Variants in RNF125 observed in about 807,000 individuals in gnomAD.
The protein encoded by RNF125 is E3 ubiquitin-protein ligase RNF125.
In RNF125, 21 loss-of-function variants were observed where a neutral mutation model predicts 26.0. The ratio of observed to expected loss-of-function variants is 0.81; its 90% CI spans 0.57 to 1.16. RNF125 has a LOEUF of 1.16. Ranked by LOEUF, RNF125 falls within the 50% of genes most tolerant of loss-of-function variation. The pLI is 0.00. For synonymous variants in RNF125, 95 were observed against 109.2 expected (o/e 0.87, Z 0.81); for missense variants, 270 against 299.4 (o/e 0.90, Z 0.72).
At chr18:32,053,814 G>A (rs921326412) in intron 4 of RNF125, among the ~76,000 whole-genome samples, 2 of 151,866 alleles carry the variant, frequency 1.3e-5, no homozygotes, top group African/African-American at 4.8e-5. Flanking sequence ...TGTTGGTTAT[G>A]ATCTGTCAGT....
rs764499312 is a variant in RNF125 at position 32,045,740 on chromosome 18, T to C, written c.504+8T>C. The stretch of plus-strand genomic sequence containing the variant: ...TCGGAACGGAGGCCTGTGGTAAGGA[T>C]TTTTGTTACATGTATTACAGCAATG... On this transcript the variant is annotated splice_region_variant and intron_variant, in intron 4 of 5. Transcript: ENST00000217740. 6.3e-7 allele frequency: 1 copy of C among 1,589,214 alleles called. No individual in the cohort carries two copies. Among genetic ancestry groups the C allele is most frequent in the Non-Finnish European group, 8.6e-7 (1 of 1,159,522 alleles).
chr18:32,065,599 T>A (rs1352780903), intron 4 of RNF125, among the ~76,000 whole-genome samples: 1 of 152,116 alleles, frequency 6.6e-6, no homozygotes, highest in Non-Finnish European at 1.5e-5. Context: ...AGTGGTGTGA[T>A]CTTGGCTCAC....
Position 32,025,536 on chromosome 18 carries a change from G to C in RNF125, c.164+6509G>C, listed in dbSNP as rs148871707. ...GAAAATTAGCCAGGGGTGGTGGCAG[G>C]CACCTGTAATTCCAGCAACTCAGGA... On this transcript the variant is annotated intron_variant, in intron 1 of 5. Coordinates refer to ENST00000217740, the MANE Select transcript of RNF125 (RefSeq NM_017831.4). Among the ~76,000 whole-genome samples the C allele has an allele frequency of 8.3e-3, 1,258 of 151,972 alleles. 23 individuals are homozygous for C. Among genetic ancestry groups the C allele is most frequent in the African/African-American group, 0.029 (1,183 of 41,442 alleles).
the RNF125 span, among the ~76,000 whole-genome samples, chr18:32,078,364 TAA>T: frequency 6.6e-6 from 1 of 152,172 alleles, no homozygotes; most frequent in African/African-American, 2.4e-5. Flanking sequence ...TGGGACGTAA[TAA>T]AGTCTAATAA....
chr18:32,050,865 C>CTTTTT lies in RNF125; in HGVS notation c.504+5163_504+5167dup, dbSNP rs531751585. On this transcript the variant is annotated intron_variant, in intron 4 of 5. Transcript: ENST00000217740. ...CCAGCTAGTCTCTCGGTCTAGAGTG[C>CTTTTT]TTTTTTTTTTTTTTTTTTTTTTTTT... Among the ~76,000 whole-genome samples the CTTTTT allele has an allele frequency of 3.1e-3, 143 of 46,346 alleles. 26 individuals are homozygous for CTTTTT. Among genetic ancestry groups the CTTTTT allele is most frequent in the Non-Finnish European group, 4.2e-3 (108 of 25,618 alleles). The allele number at this position is 46,346 out of a possible 152,430, so 30.4% of individuals were successfully genotyped here.
chr18:32,053,409 C>T (rs2144497353), intron 4 of RNF125, among the ~76,000 whole-genome samples: 1 of 150,366 alleles, frequency 6.7e-6, no homozygotes, highest in South Asian at 2.1e-4. Flanking sequence ...ACAGTGAGGA[C>T]TGTCAGACCT....
the RNF125 span, among the ~76,000 whole-genome samples, chr18:32,088,751 C>T: frequency 2.6e-5 from 4 of 152,248 alleles, no homozygotes; most frequent in South Asian, 2.1e-4. Context: ...CTGCCTGCCT[C>T]GGCCTCCCAG....
At chr18:32,065,797 C>A in intron 4 of RNF125, 105 bp from the exon 5 acceptor site, 1 of 753,244 alleles carries the variant, frequency 1.3e-6, no homozygotes, top group Non-Finnish European at 2.3e-6. Flanking sequence ...TCCCAAAGTA[C>A]TGGGATTACA....
chr18:32,083,925 A>T, the RNF125 span, among the ~76,000 whole-genome samples: 10 of 152,138 alleles, frequency 6.6e-5, no homozygotes. Context: ...TGTGGAGTAA[A>T]GGAAAAACAA....
Position 32,065,904 on chromosome 18 carries a change from C to T in RNF125, c.507C>T (p.Phe169=). The T allele has an allele frequency of 6.2e-7, 1 of 1,604,960 alleles. No individual in the cohort carries two copies. Among genetic ancestry groups the T allele is most frequent in the Non-Finnish European group, 8.5e-7 (1 of 1,171,892 alleles). The stretch of plus-strand genomic sequence containing the variant: ...CCCCTGGTCTTGTTTGTTTCCAGTT[C>T]TGTCCACTTTGCCGTTTAATACCCG... ...THHRSERRPV[F]CPLCRLIPDE... is the part of the protein sequence containing the mutation. Residue 169 remains phenylalanine, a splice_region_variant and synonymous_variant, in exon 5 of 6, where the codon TTC becomes TTT. Coordinates refer to ENST00000217740, the MANE Select transcript of RNF125 (RefSeq NM_017831.4).
At chr18:32,084,637 A>G in the RNF125 span, among the ~76,000 whole-genome samples, 1 of 152,324 alleles carries the variant, frequency 6.6e-6, no homozygotes, top group East Asian at 1.9e-4. Context: ...AAGGGATTTG[A>G]TAGAGACTGA....
the RNF125 span, among the ~76,000 whole-genome samples, chr18:32,079,075 G>T: frequency 1.3e-5 from 2 of 152,102 alleles, no homozygotes; most frequent in Admixed American, 1.3e-4. Flanking sequence ...CAAAGGTTGG[G>T]ATTTATCTTT....
At chr18:32,050,819 T>G (rs1196855362) in intron 4 of RNF125, among the ~76,000 whole-genome samples, 2 of 148,422 alleles carry the variant, frequency 1.3e-5, no homozygotes, top group Admixed American at 1.4e-4. Context: ...AGGGAAGATG[T>G]TTTAGCAAGA....
chr18:32,029,411 C>T (rs968358929), intron 1 of RNF125, among the ~76,000 whole-genome samples: 2 of 150,480 alleles, frequency 1.3e-5, no homozygotes, highest in African/African-American at 4.9e-5. Context: ...ACTGCTTGAA[C>T]CCCAGAGTTT....
Position 32,065,543 on chromosome 18 carries a change from G to GT in RNF125, c.505-352dup, listed in dbSNP as rs565174665. Among the ~76,000 whole-genome samples the GT allele has an allele frequency of 3.1e-4, 47 of 151,920 alleles. No homozygotes were observed. In the South Asian group the frequency reaches 8.3e-3, roughly 27 times the overall value. ...GAGCCACTGCACCCCGTCTTGTTTT[G>GT]TTTTTTTGTGTGTCGGAGTCTTGCT... is the stretch of plus-strand genomic sequence containing the variant. On this transcript the variant is annotated intron_variant, in intron 4 of 5. Coordinates refer to ENST00000217740, the MANE Select transcript of RNF125 (RefSeq NM_017831.4).
At chr18:32,026,242 CTTTTTTT>C (rs1181390375) in intron 1 of RNF125, among the ~76,000 whole-genome samples, 2 of 73,144 alleles carry the variant, frequency 2.7e-5, no homozygotes, top group Admixed American at 3.3e-4. Flanking sequence ...AGCACCCGGT[CTTTTTTT>C]TTTTTTTTTT....
chr18:32,081,104 G>A, the RNF125 span, among the ~76,000 whole-genome samples: 1 of 148,700 alleles, frequency 6.7e-6, no homozygotes, highest in Non-Finnish European at 1.5e-5. Flanking sequence ...TGAGGCAGGA[G>A]AATCGCTTGC....
chr18:32,046,871 C>T (rs1404208446), intron 4 of RNF125, among the ~76,000 whole-genome samples: 1 of 151,098 alleles, frequency 6.6e-6, no homozygotes, highest in Non-Finnish European at 1.5e-5. Context: ...GTGGATACAT[C>T]ATTGTTTACT....
chr18:32,033,818 T>TCAAA (rs111827492), intron 1 of RNF125, among the ~76,000 whole-genome samples: 51 of 151,490 alleles, frequency 3.4e-4, no homozygotes, highest in South Asian at 6.3e-4. Context: ...AAATTTCATC[T>TCAAA]CAAACAAACA....
Sources: gnomAD v4.1 joint callset for allele counts (sites outside exome capture counted in the v4.1 genomes callset) on GRCh38, gnomAD v4.1.1 for gene constraint, MANE v1.5 for transcripts, NCBI Gene and HGNC (gene_info 2026-07-23, HGNC 2026-07-21) for gene names.